The following SDK1 variants were observed in gnomAD, a reference collection of about 807,000 sequenced individuals.
The protein encoded by SDK1 is protein sidekick-1.
In SDK1, 157 loss-of-function variants were observed where a neutral mutation model predicts 245.5. The observed-to-expected ratio is 0.64, with a 90% CI of 0.56 to 0.73. SDK1 has a LOEUF of 0.73. Ranked by LOEUF, SDK1 falls within the 30% of genes least tolerant of loss-of-function variation. The pLI is 0.00. For synonymous variants in SDK1, 1,647 were observed against 1,278.5 expected (o/e 1.29, Z -6.15); for missense variants, 3,583 against 3,002.3 (o/e 1.19, Z -4.52).
intron 1 of SDK1, among the ~76,000 whole-genome samples, chr7:3,487,135 CAT>C (rs977500660): frequency 3.9e-5 from 6 of 152,168 alleles, no homozygotes; most frequent in Non-Finnish European, 8.8e-5. Context: ...TTTACAAAAA[CAT>C]GTGGCAGGCT....
At chr7:3,935,760 G>A (rs967136601) in intron 5 of SDK1, among the ~76,000 whole-genome samples, 1 of 152,218 alleles carries the variant, frequency 6.6e-6, no homozygotes, top group Admixed American at 6.5e-5. Context: ...TGGCAAGGAT[G>A]TGGAGAAACT....
chr7:3,847,597 G>A (rs1485723501), intron 5 of SDK1, among the ~76,000 whole-genome samples: 1 of 152,176 alleles, frequency 6.6e-6, no homozygotes, highest in Non-Finnish European at 1.5e-5. Context: ...ACGCTGTCAT[G>A]CTCTCATTAT....
chr7:4,181,934 T>C (rs1782625344), intron 35 of SDK1, among the ~76,000 whole-genome samples: 1 of 152,150 alleles, frequency 6.6e-6, no homozygotes, highest in African/African-American at 2.4e-5. Flanking sequence ...TTTTTTCTTT[T>C]TTTGAGACAG....
At chr7:4,029,354 G>A (rs189911750) in intron 17 of SDK1, among the ~76,000 whole-genome samples, 58 of 151,918 alleles carry the variant, frequency 3.8e-4, no homozygotes, top group African/African-American at 1.3e-3. Flanking sequence ...GGGATTATGG[G>A]CACGTGCCAC....
At chr7:3,590,072 A>G (rs150813227) in intron 1 of SDK1, among the ~76,000 whole-genome samples, 296 of 152,276 alleles carry the variant, frequency 1.9e-3, no homozygotes, top group Non-Finnish European at 3.6e-3. Flanking sequence ...GTAAATACGT[A>G]TGTGTTAGGG....
At position 3,951,863 on chromosome 7, in the gene SDK1, G is replaced by A. The variant is rs771325206; in HGVS notation, c.1093G>A (p.Ala365Thr). ...CACCGGGCCATACGTCTGCGAGGCG[G>A]CGCTGCCGGGGAGCGCTTTTGAACC... is the stretch of plus-strand genomic sequence containing the variant. ...ADTGPYVCEA[A>T]LPGSAFEPAR... The change falls in exon 7 of 45, where the codon GCG (alanine) becomes ACG (threonine). Residue 365 changes from alanine (A) to threonine (T), a missense_variant. Physicochemically the swap from Ala to Thr is moderately conservative, Grantham distance 58. Transcript: ENST00000404826. 1.2e-6 allele frequency: 2 copies of A among 1,613,700 alleles called. No homozygotes were observed. Among genetic ancestry groups the A allele is most frequent in the South Asian group, 2.2e-5 (2 of 91,070 alleles).
At chr7:4,045,746 T>C (rs923243097) in intron 17 of SDK1, among the ~76,000 whole-genome samples, 4 of 152,244 alleles carry the variant, frequency 2.6e-5, no homozygotes, top group African/African-American at 9.6e-5. Context: ...TGGGTTGTTA[T>C]TGCTGTTGGT....
At chr7:3,938,026 G>A (rs1015195202) in intron 5 of SDK1, among the ~76,000 whole-genome samples, 2 of 152,002 alleles carry the variant, frequency 1.3e-5, no homozygotes, top group Non-Finnish European at 2.9e-5. Context: ...TAGTAGAAAC[G>A]GGATTTCACC....
At chr7:3,879,351 A>C (rs1429598025) in intron 5 of SDK1, among the ~76,000 whole-genome samples, 2 of 152,166 alleles carry the variant, frequency 1.3e-5, no homozygotes, top group Non-Finnish European at 2.9e-5. Flanking sequence ...TTACTAGATG[A>C]AGGTGGAGGC....
chr7:4,266,889 G>C lies in SDK1; in HGVS notation c.*1505G>C, dbSNP rs1788504882. 6 of 985,392 alleles carry C rather than the reference G, an allele frequency of 6.1e-6. No homozygotes were observed. Among genetic ancestry groups the C allele is most frequent in the Non-Finnish European group, 7.2e-6 (6 of 830,000 alleles). The allele number at this position is 985,392 out of a possible 1,614,324, so 61.0% of individuals were successfully genotyped here. A position where few individuals can be genotyped will look rare whatever the true frequency, so the allele number is the denominator to read the frequency against. ...GTGCCCCCCAGTGCACGGCAAACGG[G>C]CAGGTGCCGTTCCCCCAGTGACCTG... On this transcript the variant is annotated 3_prime_UTR_variant, in exon 45 of 45. Transcript: ENST00000404826.
At chr7:4,088,813 C>T (rs1006078640) in intron 22 of SDK1, among the ~76,000 whole-genome samples, 1 of 152,154 alleles carries the variant, frequency 6.6e-6, no homozygotes, top group Non-Finnish European at 1.5e-5. Flanking sequence ...GTTTTAAGAT[C>T]GATAGTGTAT....
chr7:4,114,392 C>A, intron 25 of SDK1, 118 bp downstream of exon 25: 1 of 781,498 alleles, frequency 1.3e-6, no homozygotes, highest in Non-Finnish European at 2.0e-6. Context: ...TTGTGTCTGT[C>A]TTGGAGCTTT....
chr7:3,457,055 A>G (rs1780692452), intron 1 of SDK1, among the ~76,000 whole-genome samples: 1 of 151,942 alleles, frequency 6.6e-6, no homozygotes, highest in South Asian at 2.1e-4. Flanking sequence ...TTAATGGGGG[A>G]AGGGAGTCTG....
At chr7:3,367,675 T>C (rs1289289649) in intron 1 of SDK1, among the ~76,000 whole-genome samples, 1 of 152,218 alleles carries the variant, frequency 6.6e-6, no homozygotes, top group Non-Finnish European at 1.5e-5. Context: ...GTCTAGACCA[T>C]TTATAACTTA....
chr7:3,642,686 C>A (rs1782690229), intron 4 of SDK1: 1 of 152,232 alleles, frequency 6.6e-6, no homozygotes, highest in African/African-American at 2.4e-5. Context: ...TAATGCTTAT[C>A]TCACATTCAA....
chr7:4,024,411 G>A (rs1787170105), intron 17 of SDK1, among the ~76,000 whole-genome samples: 1 of 152,170 alleles, frequency 6.6e-6, no homozygotes, highest in Non-Finnish European at 1.5e-5. Flanking sequence ...GGCTGTACCT[G>A]CAGAATAGGA....
chr7:4,001,693 G>C (rs1785086102), intron 14 of SDK1, among the ~76,000 whole-genome samples: 1 of 152,242 alleles, frequency 6.6e-6, no homozygotes, highest in African/African-American at 2.4e-5. Context: ...TCTTCCCAAA[G>C]GGAAGGATAT....
At chr7:3,984,907 T>G (rs1030986171) in intron 13 of SDK1, among the ~76,000 whole-genome samples, 1 of 152,204 alleles carries the variant, frequency 6.6e-6, no homozygotes, top group Non-Finnish European at 1.5e-5. Context: ...CCAGTGCATT[T>G]TCCCTCAACC....
At chr7:3,687,189 T>G (rs1784312638) in intron 4 of SDK1, among the ~76,000 whole-genome samples, 1 of 151,542 alleles carries the variant, frequency 6.6e-6, no homozygotes, top group Non-Finnish European at 1.5e-5. Context: ...TTTTTTTTTT[T>G]TGAGATAGAG....
Sources: gnomAD v4.1 joint callset for allele counts (sites outside exome capture counted in the v4.1 genomes callset) on GRCh38, gnomAD v4.1.1 for gene constraint, MANE v1.5 for transcripts, NCBI Gene and HGNC (gene_info 2026-07-23, HGNC 2026-07-21) for gene names.